The following BORCS5 variants were observed in gnomAD, a reference collection of about 807,000 sequenced individuals.
BORCS5 encodes the protein BLOC-1-related complex subunit 5.
A neutral mutation model predicts 22.1 loss-of-function variants in BORCS5; 17 were observed. That is an observed-to-expected ratio of 0.77 (90% CI 0.53 to 1.15). The LOEUF is 1.15. BORCS5 is among the 50% of genes most tolerant of loss of function. BORCS5 has a pLI of 0.00. For missense variants in BORCS5, 247 were observed against 253.2 expected (o/e 0.98, Z 0.17); for synonymous variants, 117 against 99.8 (o/e 1.17, Z -1.03).
At chr12:12,421,781 A>C (rs1376222785) in intron 2 of BORCS5, among the ~76,000 whole-genome samples, 1 of 152,094 alleles carries the variant, frequency 6.6e-6, no homozygotes, top group Non-Finnish European at 1.5e-5. Context: ...TAGTCTTGGG[A>C]GGGGGTATGT....
intron 2 of BORCS5, among the ~76,000 whole-genome samples, chr12:12,363,326 G>A (rs1335841348): frequency 3.3e-5 from 5 of 151,228 alleles, no homozygotes; most frequent in South Asian, 2.1e-4. Flanking sequence ...CCGGCCAGGC[G>A]CTGCGGCTCA....
intron 2 of BORCS5, among the ~76,000 whole-genome samples, chr12:12,389,097 T>A (rs1863943630): frequency 6.7e-6 from 1 of 149,932 alleles, no homozygotes. Context: ...TAACTATCTC[T>A]GGCCAGAGTT....
chr12:12,420,205 T>C (rs113877917), intron 2 of BORCS5, among the ~76,000 whole-genome samples: 30,297 of 129,458 alleles, frequency 0.23, 4,308 homozygotes, highest in African/African-American at 0.43. Context: ...TTTAATCCAT[T>C]TTGAATTAAT....
At chr12:12,410,154 C>A (rs1337338850) in intron 2 of BORCS5, among the ~76,000 whole-genome samples, 18 of 151,796 alleles carry the variant, frequency 1.2e-4, no homozygotes, top group Non-Finnish European at 1.5e-4. Flanking sequence ...AGGTTGCAAA[C>A]ATTTTCTCCC....
intron 3 of BORCS5, among the ~76,000 whole-genome samples, chr12:12,441,785 A>G (rs983761735): frequency 6.6e-6 from 1 of 151,864 alleles, no homozygotes; most frequent in Non-Finnish European, 1.5e-5. Flanking sequence ...CATGCCATGA[A>G]TATGTAGTTT....
intron 2 of BORCS5, among the ~76,000 whole-genome samples, chr12:12,405,751 A>G (rs116814808): frequency 0.017 from 2,521 of 152,352 alleles, 69 homozygotes; most frequent in African/African-American, 0.057. Flanking sequence ...AACATGTATT[A>G]TCAATTAATA....
chr12:12,378,417 G>A (rs986358369), intron 2 of BORCS5, among the ~76,000 whole-genome samples: 2 of 152,186 alleles, frequency 1.3e-5, no homozygotes, highest in African/African-American at 2.4e-5. Context: ...ATTTAAAAGA[G>A]AGAACATAGG....
At chr12:12,380,133 T>C (rs1012978355) in intron 2 of BORCS5, among the ~76,000 whole-genome samples, 21 of 151,260 alleles carry the variant, frequency 1.4e-4, no homozygotes, top group African/African-American at 4.9e-4. Flanking sequence ...TGGGTGTGGT[T>C]TGTGGTGCCC....
intron 2 of BORCS5, among the ~76,000 whole-genome samples, chr12:12,423,237 C>A (rs1287274889): frequency 6.6e-6 from 1 of 151,958 alleles, no homozygotes; most frequent in Non-Finnish European, 1.5e-5. Context: ...CTCCTGACCT[C>A]GTGATCCACC....
Position 12,406,745 on chromosome 12 carries a change from A to G in BORCS5, c.203-28883A>G, listed in dbSNP as rs188233413. On this transcript the variant is annotated intron_variant, in intron 2 of 3. Coordinates refer to ENST00000314565, the MANE Select transcript of BORCS5 (RefSeq NM_058169.6). Reference sequence around the variant, plus strand: ...AGTCTTGGTGCGCCTTGCAAAGCCTACATTTCTAACCTGTGTATACTTCAA... The same window carrying G: ...AGTCTTGGTGCGCCTTGCAAAGCCTGCATTTCTAACCTGTGTATACTTCAA... Among the ~76,000 whole-genome samples the G allele has an allele frequency of 1.3e-3, 202 of 152,166 alleles. 1 individual carries two copies. The highest frequency in any genetic ancestry group is 2.2e-3 in the Non-Finnish European group (150 of 68,008).
At chr12:12,390,163 G>A (rs769275727) in intron 2 of BORCS5, among the ~76,000 whole-genome samples, 1 of 151,848 alleles carries the variant, frequency 6.6e-6, no homozygotes, top group Non-Finnish European at 1.5e-5. Context: ...GATTTTGCTT[G>A]TTCATTTGTT....
intron 2 of BORCS5, among the ~76,000 whole-genome samples, chr12:12,370,780 G>A (rs909147919): frequency 1.3e-4 from 20 of 151,426 alleles, no homozygotes; most frequent in South Asian, 4.2e-4. Flanking sequence ...ATGGAGTCTC[G>A]CTCTGTGGCC....
rs1943247294 is a variant in BORCS5 at position 12,469,177 on chromosome 12, A to T, written c.*3401A>T. Reference sequence around the variant, plus strand: ...AGACCAGCCTGACCAACATGGTGAAACCCCATCTCTACTAAAAAAAATACA... The same window carrying T: ...AGACCAGCCTGACCAACATGGTGAATCCCCATCTCTACTAAAAAAAATACA... On this transcript the variant is annotated 3_prime_UTR_variant, in exon 4 of 4. Coordinates refer to ENST00000314565, the MANE Select transcript of BORCS5 (RefSeq NM_058169.6). The T allele has an allele frequency of 6.6e-6, 1 of 152,056 alleles. No individual in the cohort carries two copies. Among genetic ancestry groups the T allele is most frequent in the Non-Finnish European group, 1.5e-5 (1 of 68,034 alleles). 9.4% of individuals were successfully genotyped at this position (152,056 alleles called of 1,614,324 possible). A position where few individuals can be genotyped will look rare whatever the true frequency, so the allele number is the denominator to read the frequency against.
intron 2 of BORCS5, among the ~76,000 whole-genome samples, chr12:12,412,900 C>CTTTTTT (rs869045354): frequency 4.9e-3 from 361 of 74,142 alleles, no homozygotes; most frequent in African/African-American, 6.0e-3. Flanking sequence ...TTGTGGTTTT[C>CTTTTTT]TTTTTTTTTT....
At chr12:12,405,190 G>C (rs942010256) in intron 2 of BORCS5, among the ~76,000 whole-genome samples, 1 of 152,198 alleles carries the variant, frequency 6.6e-6, no homozygotes, top group Non-Finnish European at 1.5e-5. Flanking sequence ...TAAAGATTTA[G>C]TCATAAATGA....
At chr12:12,393,198 G>A (rs1197939980) in intron 2 of BORCS5, among the ~76,000 whole-genome samples, 1 of 152,084 alleles carries the variant, frequency 6.6e-6, no homozygotes, top group African/African-American at 2.4e-5. Context: ...TTGTGCTGCT[G>A]CACTCCAGCC....
intron 3 of BORCS5, among the ~76,000 whole-genome samples, chr12:12,448,429 G>A (rs1166927232): frequency 6.6e-6 from 1 of 151,900 alleles, no homozygotes; most frequent in Non-Finnish European, 1.5e-5. Context: ...TTGGCCAGCT[G>A]GTCTCGAACT....
chr12:12,462,747 C>G (rs1943132132), intron 3 of BORCS5, among the ~76,000 whole-genome samples: 1 of 152,112 alleles, frequency 6.6e-6, no homozygotes, highest in South Asian at 2.1e-4. Flanking sequence ...ACCTCTGCCT[C>G]CTGGGTTCAA....
intron 3 of BORCS5, among the ~76,000 whole-genome samples, chr12:12,451,561 A>G (rs1025189288): frequency 5.3e-5 from 8 of 151,996 alleles, no homozygotes; most frequent in Non-Finnish European, 8.8e-5. Flanking sequence ...GAACTACTCA[A>G]TTTCCTTAAA....
Sources: gnomAD v4.1 joint callset for allele counts (sites outside exome capture counted in the v4.1 genomes callset) on GRCh38, gnomAD v4.1.1 for gene constraint, MANE v1.5 for transcripts, NCBI Gene and HGNC (gene_info 2026-07-23, HGNC 2026-07-21) for gene names.